Variants in PPME1 observed in about 807,000 individuals in gnomAD.
PPME1 encodes the protein protein phosphatase methylesterase 1.
Under a neutral mutation model 56.9 loss-of-function variants are expected in PPME1, and 17 were observed. That is an observed-to-expected ratio of 0.30 (90% confidence interval 0.20 to 0.45). The LOEUF is 0.45. PPME1 is among the 20% of genes least tolerant of loss of function. The pLI is 1.00. For missense variants in PPME1, 357 were observed against 483.2 expected (o/e 0.74, Z 2.45); for synonymous variants, 122 against 156.2 (o/e 0.78, Z 1.63).
chr11:74,198,077 C>T (rs56171120), intron 1 of PPME1, among the ~76,000 whole-genome samples: 15,821 of 152,044 alleles, frequency 0.1, 2,153 homozygotes, highest in African/African-American at 0.32. Context: ...TGTATTCTAA[C>T]GTAAAAAAAT....
Position 74,253,515 on chromosome 11 carries a change from C to T in PPME1, c.*5C>T, listed in dbSNP as rs1272037670. ...AGTGTGTTTCCTGGCTGTTAGTGAC[C>T]TGCTGTCCACCCCTCCTCAACATCG... On this transcript the variant is annotated 3_prime_UTR_variant, in exon 14 of 14. Transcript: ENST00000328257. 1 of 1,606,808 alleles carries T rather than the reference C, an allele frequency of 6.2e-7. No individual in the cohort carries two copies. The highest frequency in any genetic ancestry group is 8.5e-7 in the Non-Finnish European group (1 of 1,173,384).
intron 3 of PPME1, among the ~76,000 whole-genome samples, chr11:74,211,799 G>T (rs1393171327): frequency 6.6e-6 from 1 of 152,080 alleles, no homozygotes; most frequent in East Asian, 1.9e-4. Context: ...GAAGAAAAAT[G>T]GGCAAGAGAT....
intron 3 of PPME1, among the ~76,000 whole-genome samples, chr11:74,213,102 C>T (rs1858525399): frequency 6.6e-6 from 1 of 152,132 alleles, no homozygotes; most frequent in African/African-American, 2.4e-5. Flanking sequence ...CAGAGGGGAC[C>T]ACTGCCCTGA....
intron 7 of PPME1, among the ~76,000 whole-genome samples, chr11:74,235,126 T>C (rs1201613311): frequency 6.6e-6 from 1 of 152,174 alleles, no homozygotes; most frequent in African/African-American, 2.4e-5. Flanking sequence ...TTTTGAATGA[T>C]TTTTTAAACT....
Position 74,223,096 on chromosome 11 carries a change from C to T in PPME1, c.346+727C>T, listed in dbSNP as rs549628986. Among the ~76,000 whole-genome samples, 723 of 151,784 alleles carry T rather than the reference C, an allele frequency of 4.8e-3. 6 individuals carry two copies. Among genetic ancestry groups the T allele is most frequent in the South Asian group, 0.01 (48 of 4,796 alleles). ...TCCCAATGCTATCCCTCCCCCCTTC[C>T]CCCACCCCACCACAGTCCCCAGAGT... On this transcript the variant is annotated intron_variant, in intron 4 of 13. Transcript: ENST00000328257.
At chr11:74,187,803 G>A (rs1195000657) in intron 1 of PPME1, among the ~76,000 whole-genome samples, 1 of 152,172 alleles carries the variant, frequency 6.6e-6, no homozygotes, top group Non-Finnish European at 1.5e-5. Context: ...TGGAACCTGT[G>A]AATATGTTAT....
chr11:74,185,488 G>A (rs1219040432), intron 1 of PPME1, among the ~76,000 whole-genome samples: 5 of 152,094 alleles, frequency 3.3e-5, no homozygotes, highest in South Asian at 4.1e-4. Flanking sequence ...TGACTATTGG[G>A]TAATGCCACA....
rs1167842127 is a variant in PPME1 at position 74,230,935 on chromosome 11, A to T, written c.577A>T (p.Ser193Cys). ...AGGTACAGCTATGGATGCACTTAAT[A>T]GCATGCAGAATTTCTTACGGGGTCG... is the stretch of plus-strand genomic sequence containing the variant. ...VEGTAMDALN[S>C]MQNFLRGRPK... Residue 193 changes from serine to cysteine, a missense_variant, in exon 7 of 14, where the codon AGC (serine) becomes TGC (cysteine). Physicochemically the swap from Ser to Cys is moderately radical, Grantham distance 112 (BLOSUM62 -1). Around this residue, in one of 2 missense-constraint regions of PPME1, gnomAD observed 182 missense variants for 293.8 expected, o/e 0.62. Transcript: ENST00000328257. This position sits in a 1 kb window ranked among gnomAD's most constrained non-coding sequence, Gnocchi z 4.9. The T allele has an allele frequency of 6.2e-7, 1 of 1,603,694 alleles. No individual in the cohort carries two copies. Among genetic ancestry groups the T allele is most frequent in the Non-Finnish European group, 8.5e-7 (1 of 1,174,810 alleles).
chr11:74,190,319 G>C (rs1857801351), intron 1 of PPME1, among the ~76,000 whole-genome samples: 1 of 152,214 alleles, frequency 6.6e-6, no homozygotes, highest in African/African-American at 2.4e-5. Flanking sequence ...GAATGGCTTA[G>C]TGCTATCCCC....
At chr11:74,253,027 TC>T (rs1340803956) in intron 13 of PPME1, among the ~76,000 whole-genome samples, 1 of 152,118 alleles carries the variant, frequency 6.6e-6, no homozygotes, top group African/African-American at 2.4e-5. Context: ...GGAAACTTGT[TC>T]CCCACTCTCA....
At chr11:74,248,222 G>T (rs1467388502) in intron 11 of PPME1, 1 of 152,258 alleles carries the variant, frequency 6.6e-6, no homozygotes, top group African/African-American at 2.4e-5. Flanking sequence ...GGAAGAAGAG[G>T]TGCCAACTCC....
At chr11:74,249,110 C>G (rs1486345351) in intron 11 of PPME1, 12 of 152,124 alleles carry the variant, frequency 7.9e-5, no homozygotes, top group Non-Finnish European at 1.5e-4. Flanking sequence ...CTCCTGTTTC[C>G]TCAATATGGA....
intron 1 of PPME1, among the ~76,000 whole-genome samples, chr11:74,200,076 C>G (rs1308635265): frequency 6.6e-6 from 1 of 152,146 alleles, no homozygotes; most frequent in Non-Finnish European, 1.5e-5. Context: ...CTTTAAAATT[C>G]TTTCATTACG....
At chr11:74,174,024 A>G (rs1212400584) in intron 1 of PPME1, among the ~76,000 whole-genome samples, 1 of 152,070 alleles carries the variant, frequency 6.6e-6, no homozygotes, top group Non-Finnish European at 1.5e-5. Flanking sequence ...TTTCTACTTT[A>G]TTGGTATATA....
intron 9 of PPME1, among the ~76,000 whole-genome samples, chr11:74,240,211 A>G (rs1306505300): frequency 2.0e-5 from 3 of 152,140 alleles, no homozygotes; most frequent in African/African-American, 4.8e-5. Context: ...ATATTAAGTC[A>G]TAGAACTGAT....
chr11:74,231,109 G>C, intron 7 of PPME1, 107 bp downstream of exon 7: 1 of 940,532 alleles, frequency 1.1e-6, no homozygotes, highest in Non-Finnish European at 1.6e-6. Flanking sequence ...CCAGGCTGGA[G>C]TGCAGTGGCA....
Position 74,212,597 on chromosome 11 carries a change from T to C in PPME1, c.288+8152T>C, listed in dbSNP as rs987613590. ...TTGCAGCTCTGGGAGAGACTCCTTCTTTCTGCTTGAAGAGAGGAGAGGAAA... is the reference window on the plus strand; with the variant it reads ...TTGCAGCTCTGGGAGAGACTCCTTCCTTCTGCTTGAAGAGAGGAGAGGAAA... On this transcript the variant is annotated intron_variant, in intron 3 of 13. Transcript: ENST00000328257. Among the ~76,000 whole-genome samples, 5 of 152,198 alleles carry C rather than the reference T, an allele frequency of 3.3e-5. No homozygotes were observed. The South Asian group carries it at 6.2e-4, about 19-fold the overall frequency.
At chr11:74,205,074 G>A (rs1858293504) in intron 3 of PPME1, 1 of 152,158 alleles carries the variant, frequency 6.6e-6, no homozygotes, top group Non-Finnish European at 1.5e-5. Flanking sequence ...TTTGTGTAGA[G>A]AACCAGACAT....
At chr11:74,215,900 G>A (rs1858627299) in intron 3 of PPME1, among the ~76,000 whole-genome samples, 1 of 152,168 alleles carries the variant, frequency 6.6e-6, no homozygotes, top group Admixed American at 6.6e-5. Context: ...ACTATAAAAA[G>A]AGGCAAAAGT....
Sources: gnomAD v4.1 joint callset for allele counts (sites outside exome capture counted in the v4.1 genomes callset) on GRCh38, gnomAD v4.1.1 for gene constraint, gnomAD v4.1.1 regional missense constraint, Gnocchi (gnomAD v3.1) non-coding constraint, MANE v1.5 for transcripts, NCBI Gene and HGNC (gene_info 2026-07-23, HGNC 2026-07-21) for gene names.